Variants in SYT9 observed in about 807,000 individuals in gnomAD.
The protein encoded by SYT9 is synaptotagmin 9.
A neutral mutation model predicts 48.4 loss-of-function variants in SYT9; 22 were observed. That is an observed-to-expected ratio of 0.45 (90% CI 0.32 to 0.65). SYT9 has a LOEUF of 0.65. Among genes scored for constraint, SYT9 ranks in the 30% least tolerant of loss-of-function variants. SYT9 has a pLI of 0.03. For synonymous variants in SYT9, 265 were observed against 245.0 expected, an observed-to-expected ratio of 1.08 and a Z score of -0.76; for missense variants, 577 against 622.0, an observed-to-expected ratio of 0.93 and a Z score of 0.77.
intron 6 of SYT9, among the ~76,000 whole-genome samples, chr11:7,463,998 C>T (rs1848282601): frequency 6.6e-6 from 1 of 152,158 alleles, no homozygotes; most frequent in African/African-American, 2.4e-5. Context: ...GCTAAGGTTG[C>T]AGCCTAGCCC....
At chr11:7,322,848 T>C (rs1217822292) in intron 3 of SYT9, among the ~76,000 whole-genome samples, 1 of 152,182 alleles carries the variant, frequency 6.6e-6, no homozygotes, top group African/African-American at 2.4e-5. Flanking sequence ...ATTTTATATG[T>C]ATAATTCCCT....
chr11:7,272,516 T>C (rs373570667), intron 1 of SYT9, among the ~76,000 whole-genome samples: 37 of 152,270 alleles, frequency 2.4e-4, no homozygotes, highest in African/African-American at 7.9e-4. Flanking sequence ...TAAGTGACAA[T>C]GTAATGCAAT....
chr11:7,414,145 A>G (rs1847193461), intron 3 of SYT9, among the ~76,000 whole-genome samples: 3 of 152,204 alleles, frequency 2.0e-5, no homozygotes, highest in African/African-American at 4.8e-5. Context: ...GACGGCATGC[A>G]TTTTCACATC....
chr11:7,386,372 G>T (rs1000581382), intron 3 of SYT9, among the ~76,000 whole-genome samples: 2 of 151,730 alleles, frequency 1.3e-5, no homozygotes, highest in African/African-American at 2.4e-5. Context: ...CCTACAGAAT[G>T]GGAGAAAATT....
At chr11:7,352,004 C>A (rs1347796499) in intron 3 of SYT9, among the ~76,000 whole-genome samples, 1 of 152,136 alleles carries the variant, frequency 6.6e-6, no homozygotes, top group African/African-American at 2.4e-5. Context: ...AACAGACCTT[C>A]CTTTTCTTTG....
intron 6 of SYT9, among the ~76,000 whole-genome samples, chr11:7,422,270 C>T (rs1214712366): frequency 6.6e-6 from 1 of 152,118 alleles, no homozygotes; most frequent in African/African-American, 2.4e-5. Flanking sequence ...AAGGAGAAGG[C>T]AGGACAGGGT....
intron 3 of SYT9, among the ~76,000 whole-genome samples, chr11:7,322,407 T>TTAG (rs1849353403): frequency 6.6e-6 from 1 of 152,050 alleles, no homozygotes. Flanking sequence ...CCTTCTATAA[T>TTAG]GTGGGTGAAG....
At chr11:7,424,748 A>C (rs1183560289) in intron 6 of SYT9, among the ~76,000 whole-genome samples, 1 of 152,152 alleles carries the variant, frequency 6.6e-6, no homozygotes, top group East Asian at 1.9e-4. Flanking sequence ...CCAAAGTTCT[A>C]CTCAAGGCGT....
intron 3 of SYT9, among the ~76,000 whole-genome samples, chr11:7,342,128 T>A (rs992243487): frequency 1.3e-5 from 2 of 152,142 alleles, no homozygotes; most frequent in African/African-American, 4.8e-5. Flanking sequence ...AAGATGAGAT[T>A]TGAGAGGGGA....
chr11:7,402,046 C>T (rs1438917123), intron 3 of SYT9, among the ~76,000 whole-genome samples: 1 of 151,598 alleles, frequency 6.6e-6, no homozygotes, highest in Non-Finnish European at 1.5e-5. Flanking sequence ...TTTTTATTTC[C>T]AGTTCATTCT....
At chr11:7,332,427 C>T (rs1228494088) in intron 3 of SYT9, among the ~76,000 whole-genome samples, 2 of 152,202 alleles carry the variant, frequency 1.3e-5, no homozygotes, top group African/African-American at 2.4e-5. Context: ...AATGGATGCA[C>T]TGGCTTTGTC....
intron 6 of SYT9, among the ~76,000 whole-genome samples, chr11:7,424,931 T>C (rs1004931523): frequency 6.6e-6 from 1 of 152,218 alleles, no homozygotes; most frequent in Non-Finnish European, 1.5e-5. Context: ...GCAGTTATGG[T>C]ACAATATGCC....
At chr11:7,392,184 G>A (rs1257319154) in intron 3 of SYT9, among the ~76,000 whole-genome samples, 1 of 151,888 alleles carries the variant, frequency 6.6e-6, no homozygotes, top group Non-Finnish European at 1.5e-5. Flanking sequence ...ATTTGCTTAG[G>A]CTGATATCCA....
intron 3 of SYT9, among the ~76,000 whole-genome samples, chr11:7,379,516 A>G (rs1168576123): frequency 6.6e-6 from 1 of 152,138 alleles, no homozygotes; most frequent in African/African-American, 2.4e-5. Context: ...GTGATAGAGA[A>G]GAATATTCTA....
intron 3 of SYT9, 29 bp from the exon 4 acceptor site, chr11:7,416,013 T>C (rs1382688797): frequency 5.6e-6 from 9 of 1,614,034 alleles, no homozygotes; most frequent in East Asian, 2.2e-5. Context: ...AGACACTTTC[T>C]AATACTTTAG....
At chr11:7,336,882 A>G (rs1849639705) in intron 3 of SYT9, among the ~76,000 whole-genome samples, 1 of 152,116 alleles carries the variant, frequency 6.6e-6, no homozygotes, top group African/African-American at 2.4e-5. Flanking sequence ...CTAGTTATGT[A>G]AAGAATGTCA....
intron 1 of SYT9, among the ~76,000 whole-genome samples, chr11:7,268,367 A>G (rs989206897): frequency 1.3e-5 from 2 of 151,976 alleles, no homozygotes; most frequent in African/African-American, 2.4e-5. Context: ...ATACTGTGGC[A>G]TAGAAAAAAT....
chr11:7,351,237 A>G (rs377704068), intron 3 of SYT9, among the ~76,000 whole-genome samples: 8 of 152,302 alleles, frequency 5.3e-5, no homozygotes, highest in South Asian at 2.1e-4. Flanking sequence ...CGGTCTTTAT[A>G]TAAGAAGAGT....
intron 3 of SYT9, among the ~76,000 whole-genome samples, chr11:7,355,600 C>T (rs1850006632): frequency 6.6e-6 from 1 of 152,168 alleles, no homozygotes; most frequent in Admixed American, 6.5e-5. Flanking sequence ...ATTGTCTGAT[C>T]CATTGAGTAG....
Sources: gnomAD v4.1 joint callset for allele counts (sites outside exome capture counted in the v4.1 genomes callset) on GRCh38, gnomAD v4.1.1 for gene constraint, MANE v1.5 for transcripts, NCBI Gene and HGNC (gene_info 2026-07-23, HGNC 2026-07-21) for gene names.